The following NSL1 variants were observed in gnomAD, a reference collection of about 807,000 sequenced individuals.
NSL1 encodes NSL1 component of MIS12 kinetochore complex.
A neutral mutation model predicts 25.4 loss-of-function variants in NSL1; 11 were observed. The ratio of observed to expected loss-of-function variants is 0.43; its 90% CI spans 0.27 to 0.72. NSL1 has a LOEUF of 0.72. Among genes scored for constraint, NSL1 ranks in the 30% least tolerant of loss-of-function variants. The pLI, the probability that NSL1 is intolerant of heterozygous loss-of-function variation, is 0.19. For synonymous variants in NSL1, 118 were observed against 120.6 expected, an observed-to-expected ratio of 0.98 and a Z score of 0.14; for missense variants, 330 against 342.7, an observed-to-expected ratio of 0.96 and a Z score of 0.29.
At chr1:212,766,979 A>G (rs1659850365) in intron 4 of NSL1, among the ~76,000 whole-genome samples, 1 of 152,218 alleles carries the variant, frequency 6.6e-6, no homozygotes, top group Admixed American at 6.5e-5. Flanking sequence ...ATGTTCATGG[A>G]TGGGTAGAAT....
intron 4 of NSL1, among the ~76,000 whole-genome samples, chr1:212,741,677 G>A (rs959048866): frequency 2.6e-5 from 4 of 152,178 alleles, no homozygotes; most frequent in African/African-American, 9.7e-5. Context: ...GCAGAACTGT[G>A]AGCCAATTAA....
At position 212,734,692 on chromosome 1, in the gene NSL1, A is replaced by T. The variant is rs79995711; in HGVS notation, c.*3716T>A. ...TGATATTGATCCACATTGTTATAAC[A>T]GTAATTTGTTCTTTATTCCTGTATT... On this transcript the variant is annotated 3_prime_UTR_variant, in exon 6 of 6. Coordinates refer to ENST00000366977, the MANE Select transcript of NSL1 (RefSeq NM_015471.4). Among the ~76,000 whole-genome samples, 249 of 152,334 alleles carry T rather than the reference A, an allele frequency of 1.6e-3. No homozygotes were observed. Among genetic ancestry groups the T allele is most frequent in the Non-Finnish European group, 3.0e-3 (204 of 68,034 alleles).
chr1:212,784,364 A>C lies in NSL1; in HGVS notation c.443T>G (p.Leu148Arg), dbSNP rs755183549. The C allele has an allele frequency of 1.3e-6, 2 of 1,566,398 alleles. No homozygotes were observed. The highest frequency in any genetic ancestry group is 2.7e-5 in the African/African-American group (2 of 73,698). ...IKTIKAKQEI[L>R]KQYHPVVHPL... Reference sequence around the variant, plus strand: ...CATTTTAAAGGCAAATCATCTTACCAGAATTTCTTGTTTTGCTTTTATGGT... The same window carrying C: ...CATTTTAAAGGCAAATCATCTTACCCGAATTTCTTGTTTTGCTTTTATGGT... The change falls in exon 3 of 6, where the codon CTG becomes CGG. Residue 148 changes from leucine to arginine, a missense_variant and splice_region_variant. Transcript: ENST00000366977.
In NSL1 at chr1:212,741,590, T is replaced by C. The variant is rs1229060628; in HGVS notation, c.500-1989A>G. 2.6e-5 allele frequency among the ~76,000 whole-genome samples: 4 copies of C among 152,308 alleles called. No individual in the cohort carries two copies. The East Asian group carries it at 7.7e-4, about 29-fold the overall frequency. On this transcript the variant is annotated intron_variant, in intron 4 of 5. Transcript: ENST00000366977. The stretch of plus-strand genomic sequence containing the variant: ...GTGAGGTGCTAGCTCTTCCTTTGCC[T>C]TCTGCCATGACTATAAGTTTCCTGA...
chr1:212,774,471 A>C (rs190327192), intron 4 of NSL1, among the ~76,000 whole-genome samples: 5 of 152,342 alleles, frequency 3.3e-5, no homozygotes, highest in Admixed American at 3.3e-4. Context: ...AGAATACATA[A>C]AGAACCAGTA....
Position 212,727,250 on chromosome 1 carries a change from G to A in NSL1, c.*11158C>T, listed in dbSNP as rs905354343. 4 of 1,389,410 alleles carry A rather than the reference G, an allele frequency of 2.9e-6. No homozygotes were observed. The Admixed American group carries it at 1.2e-4, about 40-fold the overall frequency. 86.1% of individuals were successfully genotyped at this position (1,389,410 alleles called of 1,614,324 possible). ...TCTGAAAACTATATATGGCTTTCAA[G>A]ACTTGCCTTGAGACTCAGAGCTGTT... is the stretch of plus-strand genomic sequence containing the variant. On this transcript the variant is annotated 3_prime_UTR_variant, in exon 6 of 6. Coordinates refer to ENST00000366977, the MANE Select transcript of NSL1 (RefSeq NM_015471.4).
chr1:212,779,270 G>C (rs112834481), intron 4 of NSL1, among the ~76,000 whole-genome samples: 4 of 141,910 alleles, frequency 2.8e-5, no homozygotes, highest in African/African-American at 8.1e-5. Flanking sequence ...CAGCCGCCCC[G>C]TCTCGGAGGG....
Position 212,733,320 on chromosome 1 carries a change from T to C in NSL1, c.*5088A>G, listed in dbSNP as rs1658103916. 6.6e-6 allele frequency among the ~76,000 whole-genome samples: 1 copy of C among 151,630 alleles called. No individual in the cohort carries two copies. Among genetic ancestry groups the C allele is most frequent in the African/African-American group, 2.4e-5 (1 of 41,258 alleles). On this transcript the variant is annotated 3_prime_UTR_variant, in exon 6 of 6. Transcript: ENST00000366977. ...GATGGTGCATGCCTATAGTCCCACC[T>C]ACTTGGGAGGCTAAGGTGGGAGGAT...
chr1:212,733,177 G>A lies in NSL1; in HGVS notation c.*5231C>T, dbSNP rs572896361. Among the ~76,000 whole-genome samples, 1 of 152,034 alleles carries A rather than the reference G, an allele frequency of 6.6e-6. No individual in the cohort carries two copies. The highest frequency in any genetic ancestry group is 1.5e-5 in the Non-Finnish European group (1 of 68,000). On this transcript the variant is annotated 3_prime_UTR_variant, in exon 6 of 6. Transcript: ENST00000366977. ...TCCCAGGCCAGGCGCAGTGGCTCAC[G>A]CCTGTAATCCAGCACTTTGGGAGGC...
At chr1:212,783,151 G>C (rs1374627232) in intron 3 of NSL1, among the ~76,000 whole-genome samples, 5 of 152,070 alleles carry the variant, frequency 3.3e-5, no homozygotes, top group African/African-American at 4.8e-5. Context: ...GAAAGACGCA[G>C]GGCAGGGCAG....
At chr1:212,756,481 C>CA (rs554943531) in intron 4 of NSL1, among the ~76,000 whole-genome samples, 158 of 152,032 alleles carry the variant, frequency 1.0e-3, no homozygotes, top group African/African-American at 3.4e-3. Context: ...GTATTGTTTG[C>CA]AAAAATATAA....
intron 4 of NSL1, among the ~76,000 whole-genome samples, chr1:212,775,897 G>A (rs1452045119): frequency 1.3e-5 from 2 of 151,566 alleles, no homozygotes; most frequent in South Asian, 2.1e-4. Context: ...GCGCGATCTC[G>A]GCTCACTGAC....
chr1:212,773,600 T>C (rs1049317055), intron 4 of NSL1, among the ~76,000 whole-genome samples: 61 of 152,084 alleles, frequency 4.0e-4, no homozygotes, highest in Non-Finnish European at 5.9e-5. Context: ...TGTAAATTAG[T>C]ATAGCTACAA....
At chr1:212,778,795 G>C (rs1470497272) in intron 4 of NSL1, among the ~76,000 whole-genome samples, 2 of 152,154 alleles carry the variant, frequency 1.3e-5, no homozygotes, top group African/African-American at 4.8e-5. Flanking sequence ...AAAGTGCCGA[G>C]ATTGCAGCCT....
rs996184210 is a variant in NSL1 at position 212,726,153 on chromosome 1, T to C, written c.*12255A>G. ...GCATATGAAAAGAACAGACTAGGAA[T>C]AGATCTAAATATATATTCGATTTTA... On this transcript the variant is annotated 3_prime_UTR_variant, in exon 6 of 6. Transcript: ENST00000366977. 6.6e-6 allele frequency: 1 copy of C among 152,200 alleles called. No individual in the cohort carries two copies. The highest frequency in any genetic ancestry group is 6.5e-5 in the Admixed American group (1 of 15,280). The allele number at this position is 152,200 out of a possible 1,614,324, so 9.4% of individuals were successfully genotyped here.
intron 2 of NSL1, among the ~76,000 whole-genome samples, chr1:212,785,384 A>C (rs1211868022): frequency 2.0e-5 from 3 of 152,126 alleles, no homozygotes; most frequent in Non-Finnish European, 4.4e-5. Context: ...GTACATGTAC[A>C]CAATGTGCAG....
Position 212,731,929 on chromosome 1 carries a change from C to T in NSL1, c.*6479G>A, listed in dbSNP as rs1450644670. On this transcript the variant is annotated 3_prime_UTR_variant, in exon 6 of 6. Transcript: ENST00000366977. ...CAGCAGCTATAAGGGCCTCCACACC[C>T]CACCTTACTGCTTTAACCAATGTCC... 6.1e-6 allele frequency: 6 copies of T among 985,328 alleles called. No individual in the cohort carries two copies. The highest frequency in any genetic ancestry group is 7.2e-6 in the Non-Finnish European group (6 of 829,944). The allele number at this position is 985,328 out of a possible 1,614,324, so 61.0% of individuals were successfully genotyped here.
rs752252376 is a variant in NSL1, at chr1:212,791,655, G to A, written c.109C>T (p.Arg37Trp). The A allele has an allele frequency of 3.0e-5, 48 of 1,613,994 alleles. No individual in the cohort carries two copies. Among genetic ancestry groups the A allele is most frequent in the Non-Finnish European group, 3.9e-5 (46 of 1,180,034 alleles). The stretch of plus-strand genomic sequence containing the variant: ...GCCCGCTTCGAGGTGCAGCGCACCC[G>A]AAAGTCTTCTCGGGGAGTGGCGGAG... ...LVSATPREDFRVRCTSKRAVT... is the reference protein window; with the variant it reads ...LVSATPREDFWVRCTSKRAVT... The change falls in exon 1 of 6, where the codon CGG (arginine) becomes TGG (tryptophan). Residue 37 changes from arginine (R) to tryptophan (W), a missense_variant. Transcript: ENST00000366977.
intron 4 of NSL1, among the ~76,000 whole-genome samples, chr1:212,780,341 C>T (rs1660670578): frequency 6.6e-6 from 1 of 151,728 alleles, no homozygotes; most frequent in Non-Finnish European, 1.5e-5. Flanking sequence ...TCCCTAATCT[C>T]AAGTACCCAG....
Sources: gnomAD v4.1 joint callset for allele counts (sites outside exome capture counted in the v4.1 genomes callset) on GRCh38, gnomAD v4.1.1 for gene constraint, MANE v1.5 for transcripts, NCBI Gene and HGNC (gene_info 2026-07-23, HGNC 2026-07-21) for gene names.